The following CSMD1 variants were observed in gnomAD, a reference collection of about 807,000 sequenced individuals.
CSMD1 encodes CUB and sushi domain-containing protein 1.
In CSMD1, 213 loss-of-function variants were observed where a neutral mutation model predicts 417.5. The observed-to-expected ratio is 0.51, with a 90% CI of 0.46 to 0.57. The LOEUF (loss-of-function observed/expected upper bound fraction) is 0.57. Ranked by LOEUF, CSMD1 falls within the 20% of genes least tolerant of loss-of-function variation. CSMD1 has a pLI of 0.00. For missense variants in CSMD1, 6,923 were observed against 4,529.7 expected, an observed-to-expected ratio of 1.53 and a Z score of -15.17; for synonymous variants, 2,862 against 1,736.8, an observed-to-expected ratio of 1.65 and a Z score of -16.11.
At chr8:3,229,431 C>T (rs1260591846) in intron 27 of CSMD1, among the ~76,000 whole-genome samples, 1 of 152,044 alleles carries the variant, frequency 6.6e-6, no homozygotes, top group Non-Finnish European at 1.5e-5. Context: ...ATATATTAGC[C>T]TACAAACATA....
At chr8:4,789,511 C>T (rs113368321) in intron 1 of CSMD1, among the ~76,000 whole-genome samples, 3 of 152,158 alleles carry the variant, frequency 2.0e-5, no homozygotes, top group Non-Finnish European at 4.4e-5. Flanking sequence ...AGCCACCTCA[C>T]CTATATAATT....
At chr8:3,565,993 C>A (rs1485087872) in intron 10 of CSMD1, among the ~76,000 whole-genome samples, 1 of 152,164 alleles carries the variant, frequency 6.6e-6, no homozygotes. Flanking sequence ...CAATATAATA[C>A]ATTGACACCC....
chr8:3,246,631 C>A (rs1799900544), intron 26 of CSMD1, among the ~76,000 whole-genome samples: 1 of 152,062 alleles, frequency 6.6e-6, no homozygotes, highest in South Asian at 2.1e-4. Flanking sequence ...GCTGCCCTAC[C>A]CAGCTAATTT....
chr8:4,421,178 A>C (rs570331379), intron 2 of CSMD1, among the ~76,000 whole-genome samples: 1 of 152,214 alleles, frequency 6.6e-6, no homozygotes, highest in African/African-American at 2.4e-5. Context: ...ACTGCTTTGT[A>C]CTTTATGTGT....
rs113953007 is a variant in CSMD1, at chr8:4,355,325, G to A, written c.415+64628C>T. Among the ~76,000 whole-genome samples the A allele has an allele frequency of 3.4e-4, 50 of 148,710 alleles. No individual in the cohort carries two copies. The East Asian group carries it at 4.1e-3, about 12-fold the overall frequency. On this transcript the variant is annotated intron_variant, in intron 3 of 69. Coordinates refer to ENST00000635120, the MANE Select transcript of CSMD1 (RefSeq NM_033225.6). ...ACTTCATACACACACACACACACAC[G>A]CACACACACACACGTATATATGATA... is the stretch of plus-strand genomic sequence containing the variant.
intron 5 of CSMD1, among the ~76,000 whole-genome samples, chr8:3,876,115 A>T (rs998406207): frequency 2.0e-5 from 3 of 152,196 alleles, no homozygotes; most frequent in Non-Finnish European, 4.4e-5. Flanking sequence ...CTTTTAAAAA[A>T]TAAGTTAAAA....
chr8:4,837,018 C>T lies in CSMD1; in HGVS notation c.85+157314G>A, dbSNP rs192003898. Among the ~76,000 whole-genome samples, 142 of 148,242 alleles carry T rather than the reference C, an allele frequency of 9.6e-4. 1 individual carries two copies. The highest frequency in any genetic ancestry group is 3.5e-3 in the African/African-American group (135 of 38,728). On this transcript the variant is annotated intron_variant, in intron 1 of 69. Transcript: ENST00000635120. ...GACCACCCAGAAGACAGGGCTCTGG[C>T]CTTGATGTTGTTGTTGTTGTTAAGA...
At chr8:3,207,927 G>C (rs1017358567) in intron 30 of CSMD1, among the ~76,000 whole-genome samples, 1 of 152,064 alleles carries the variant, frequency 6.6e-6, no homozygotes, top group African/African-American at 2.4e-5. Flanking sequence ...CAAAACTGAA[G>C]GTTTCCAATA....
intron 8 of CSMD1, among the ~76,000 whole-genome samples, chr8:3,605,868 T>C (rs1296814419): frequency 6.6e-6 from 1 of 152,222 alleles, no homozygotes; most frequent in Non-Finnish European, 1.5e-5. Flanking sequence ...TGAGCAGTGC[T>C]TAACTTAATT....
intron 3 of CSMD1, among the ~76,000 whole-genome samples, chr8:4,139,344 ATTTT>A (rs1246075703): frequency 6.6e-6 from 1 of 152,156 alleles, no homozygotes; most frequent in South Asian, 2.1e-4. Flanking sequence ...CGTAATGAAA[ATTTT>A]TTGACCAGGT....
intron 10 of CSMD1, among the ~76,000 whole-genome samples, chr8:3,537,691 T>G (rs1216268659): frequency 1.3e-5 from 2 of 152,226 alleles, no homozygotes; most frequent in African/African-American, 4.8e-5. Flanking sequence ...TACTTTGTAT[T>G]TGCAAAAATC....
intron 8 of CSMD1, among the ~76,000 whole-genome samples, chr8:3,613,496 A>C (rs1801988017): frequency 6.6e-6 from 1 of 152,092 alleles, no homozygotes; most frequent in East Asian, 1.9e-4. Flanking sequence ...TACCTGTAAA[A>C]AAACTAAACA....
chr8:4,490,226 G>A (rs1355969208), intron 2 of CSMD1, among the ~76,000 whole-genome samples: 1 of 151,924 alleles, frequency 6.6e-6, no homozygotes. Flanking sequence ...ATTCTTAGTA[G>A]AGACAGGGTT....
At chr8:3,429,392 A>G (rs912150411) in intron 12 of CSMD1, among the ~76,000 whole-genome samples, 24 of 152,328 alleles carry the variant, frequency 1.6e-4, no homozygotes, top group East Asian at 5.8e-4. Flanking sequence ...TAGTTAATAT[A>G]TGACATGGCC....
chr8:4,440,718 G>C (rs1270585861), intron 2 of CSMD1, among the ~76,000 whole-genome samples: 1 of 152,072 alleles, frequency 6.6e-6, no homozygotes, highest in African/African-American at 2.4e-5. Context: ...AATTCTGGCC[G>C]GGTGTGGTGG....
chr8:4,542,443 G>C lies in CSMD1; in HGVS notation c.302+94899C>G, dbSNP rs891812407. On this transcript the variant is annotated intron_variant, in intron 2 of 69. Coordinates refer to ENST00000635120, the MANE Select transcript of CSMD1 (RefSeq NM_033225.6). ...AGACACTGACGTTTTATAGAACACA[G>C]TTCTGAGAACAATGGGATATTTGAA... 3.9e-5 allele frequency among the ~76,000 whole-genome samples: 6 copies of C among 152,272 alleles called. No individual in the cohort carries two copies. The East Asian group carries it at 7.7e-4, about 20-fold the overall frequency.
intron 3 of CSMD1, among the ~76,000 whole-genome samples, chr8:4,214,532 A>G (rs1452343306): frequency 6.6e-6 from 1 of 152,206 alleles, no homozygotes; most frequent in Non-Finnish European, 1.5e-5. Flanking sequence ...CCCTGAGCTC[A>G]TGCAGTCTGT....
chr8:3,486,688 C>G (rs551307564), intron 11 of CSMD1, among the ~76,000 whole-genome samples: 1 of 152,230 alleles, frequency 6.6e-6, no homozygotes, highest in East Asian at 1.9e-4. Flanking sequence ...GGCTCCGATT[C>G]CTGTGGGACC....
intron 3 of CSMD1, among the ~76,000 whole-genome samples, chr8:4,344,247 T>TTGTG (rs1800649028): frequency 6.6e-6 from 1 of 152,144 alleles, no homozygotes; most frequent in Non-Finnish European, 1.5e-5. Context: ...TCTGACACAA[T>TTGTG]CATCTTTACA....
Sources: gnomAD v4.1 joint callset for allele counts (sites outside exome capture counted in the v4.1 genomes callset) on GRCh38, gnomAD v4.1.1 for gene constraint, MANE v1.5 for transcripts, NCBI Gene and HGNC (gene_info 2026-07-23, HGNC 2026-07-21) for gene names.